The following SORCS2 variants were observed in gnomAD, a reference collection of about 807,000 sequenced individuals.
SORCS2 encodes the protein VPS10 domain-containing receptor SorCS2.
A neutral mutation model predicts 141.6 loss-of-function variants in SORCS2; 100 were observed. The observed-to-expected ratio is 0.71, with a 90% CI of 0.60 to 0.83. SORCS2 has a LOEUF of 0.83. SORCS2 is among the 40% of genes least tolerant of loss of function. The pLI is 0.00. For missense variants in SORCS2, 1,646 were observed against 1,560.2 expected (o/e 1.05, Z -0.93); for synonymous variants, 789 against 676.9 (o/e 1.17, Z -2.57).
intron 3 of SORCS2, among the ~76,000 whole-genome samples, chr4:7,585,305 A>G (rs895160584): frequency 1.3e-5 from 2 of 152,180 alleles, no homozygotes; most frequent in African/African-American, 4.8e-5. Context: ...GCATTCCTGC[A>G]CCAGTATCTC....
At chr4:7,605,232 G>C (rs984107360) in intron 3 of SORCS2, among the ~76,000 whole-genome samples, 2 of 152,220 alleles carry the variant, frequency 1.3e-5, no homozygotes, top group Non-Finnish European at 2.9e-5. Flanking sequence ...GGAGGAAAAG[G>C]GGTGAAGAAA....
intron 2 of SORCS2, among the ~76,000 whole-genome samples, chr4:7,455,285 G>C (rs1728816254): frequency 1.9e-5 from 1 of 53,938 alleles, no homozygotes; most frequent in Non-Finnish European, 3.5e-5. Context: ...GTCAGGTGCT[G>C]TGTGTTGGGG....
intron 10 of SORCS2, among the ~76,000 whole-genome samples, chr4:7,684,282 A>G (rs1723741995): frequency 1.3e-5 from 2 of 152,224 alleles, no homozygotes; most frequent in South Asian, 4.1e-4. Context: ...GAGGAAGATG[A>G]TAAACATCCC....
chr4:7,252,945 A>G (rs571463928), intron 1 of SORCS2, among the ~76,000 whole-genome samples: 2 of 152,360 alleles, frequency 1.3e-5, no homozygotes, highest in South Asian at 4.1e-4. Context: ...TGTTCCCCAG[A>G]TGGAGCCTCA....
chr4:7,560,885 A>C (rs1478916835), intron 3 of SORCS2, among the ~76,000 whole-genome samples: 1 of 152,174 alleles, frequency 6.6e-6, no homozygotes, highest in Non-Finnish European at 1.5e-5. Flanking sequence ...CTGTGGGTGC[A>C]AATGTAGCCT....
intron 1 of SORCS2, among the ~76,000 whole-genome samples, chr4:7,395,071 T>C (rs1724119205): frequency 6.6e-6 from 1 of 152,234 alleles, no homozygotes; most frequent in Admixed American, 6.5e-5. Flanking sequence ...GCTTTGTTCC[T>C]GAGCATGGCA....
chr4:7,726,868 C>T lies in SORCS2; in HGVS notation c.2834C>T (p.Ser945Leu), dbSNP rs1005466427. ...RVTVQAACGN[S>L]VLQDSRVLRV... ...ACGGTGCAGGCCGCCTGTGGGAACT[C>T]GGTGCTGCAGGACTCCAGGGTCCTC... Residue 945 changes from serine (S) to leucine (L), a missense_variant, in exon 21 of 27, where the codon TCG becomes TTG. Ser to Leu is a moderately radical substitution (Grantham distance 145, BLOSUM62 -2). Coordinates refer to ENST00000507866, the MANE Select transcript of SORCS2 (RefSeq NM_020777.3). 1.3e-5 allele frequency: 21 copies of T among 1,613,624 alleles called. No homozygotes were observed. Among genetic ancestry groups the T allele is most frequent in the Admixed American group, 1.7e-5 (1 of 59,992 alleles).
Position 7,663,510 on chromosome 4 carries a change from T to G in SORCS2, c.953-843T>G, listed in dbSNP as rs1577914301. On this transcript the variant is annotated intron_variant, in intron 6 of 26. Transcript: ENST00000507866. The surrounding 1 kb of genome is among the most constrained non-coding windows in gnomAD (Gnocchi z 4.8). ...GAACATGGATGTGGCTCAGGAGGGC[T>G]TGGCAGTGGCCTGGTGCTGCTGCCC... is the stretch of plus-strand genomic sequence containing the variant. Among the ~76,000 whole-genome samples, 2 of 152,362 alleles carry G rather than the reference T, an allele frequency of 1.3e-5. No homozygotes were observed. The highest frequency in any genetic ancestry group is 3.9e-4 in the East Asian group (2 of 5,180).
intron 1 of SORCS2, among the ~76,000 whole-genome samples, chr4:7,374,407 T>G (rs1237421695): frequency 2.6e-5 from 4 of 152,100 alleles, no homozygotes; most frequent in African/African-American, 7.2e-5. Context: ...GAAAGTGGCG[T>G]GCTCACATCA....
At chr4:7,636,167 C>T (rs1250516456) in intron 3 of SORCS2, among the ~76,000 whole-genome samples, 1 of 151,832 alleles carries the variant, frequency 6.6e-6, no homozygotes, top group African/African-American at 2.4e-5. Context: ...TGCGTAGGCG[C>T]ACCCTGCAGT....
chr4:7,676,929 TCC>T (rs1313648098), intron 9 of SORCS2, among the ~76,000 whole-genome samples: 6 of 51,840 alleles, frequency 1.2e-4, no homozygotes, highest in Admixed American at 2.1e-4. Flanking sequence ...TCTCCCTCTC[TCC>T]CTCTCTCCCT....
intron 3 of SORCS2, among the ~76,000 whole-genome samples, chr4:7,599,964 C>T (rs184391557): frequency 6.3e-4 from 96 of 152,068 alleles, no homozygotes; most frequent in Admixed American, 3.2e-3. Context: ...GCTGGGGTTA[C>T]AGGTCTGTGC....
intron 2 of SORCS2, among the ~76,000 whole-genome samples, chr4:7,412,456 G>C (rs550350255): frequency 6.6e-6 from 1 of 152,278 alleles, no homozygotes; most frequent in East Asian, 1.9e-4. Flanking sequence ...TGCCCATCCA[G>C]ACGACCCCGT....
intron 14 of SORCS2, among the ~76,000 whole-genome samples, chr4:7,707,884 C>G (rs1274629439): frequency 6.6e-6 from 1 of 152,124 alleles, no homozygotes; most frequent in African/African-American, 2.4e-5. Context: ...GGCCCATCAC[C>G]CCCAGGACCA....
intron 2 of SORCS2, among the ~76,000 whole-genome samples, chr4:7,484,223 C>T (rs1188695529): frequency 6.6e-6 from 1 of 152,218 alleles, no homozygotes; most frequent in East Asian, 1.9e-4. Flanking sequence ...CAGATCGCCG[C>T]TGAGTCTGAA....
intron 1 of SORCS2, among the ~76,000 whole-genome samples, chr4:7,353,616 C>T (rs1721081082): frequency 6.6e-6 from 1 of 152,194 alleles, no homozygotes; most frequent in Non-Finnish European, 1.5e-5. Context: ...CCTGGGCCTC[C>T]TGCCCTGAGC....
At chr4:7,401,487 G>C (rs907883072) in intron 2 of SORCS2, among the ~76,000 whole-genome samples, 1 of 152,204 alleles carries the variant, frequency 6.6e-6, no homozygotes, top group Non-Finnish European at 1.5e-5. Flanking sequence ...CAGGAAATCA[G>C]AGTTGGCTCT....
intron 1 of SORCS2, among the ~76,000 whole-genome samples, chr4:7,344,064 C>T (rs1380880485): frequency 1.3e-5 from 2 of 152,240 alleles, no homozygotes; most frequent in African/African-American, 4.8e-5. Context: ...CAAGTGAATA[C>T]TGACACGGGA....
intron 3 of SORCS2, among the ~76,000 whole-genome samples, chr4:7,611,069 G>A (rs1718372792): frequency 6.6e-6 from 1 of 152,206 alleles, no homozygotes; most frequent in Non-Finnish European, 1.5e-5. Context: ...ATGGCCTGCA[G>A]CCACCATGCA....
Sources: gnomAD v4.1 joint callset for allele counts (sites outside exome capture counted in the v4.1 genomes callset) on GRCh38, gnomAD v4.1.1 for gene constraint, Gnocchi (gnomAD v3.1) non-coding constraint, MANE v1.5 for transcripts, NCBI Gene and HGNC (gene_info 2026-07-23, HGNC 2026-07-21) for gene names.